Variants in BSN observed in about 807,000 individuals in gnomAD.
BSN encodes the protein protein bassoon.
BSN carries 57 observed loss-of-function variants against 264.8 expected under a neutral mutation model. The observed-to-expected ratio is 0.22, with a 90% CI of 0.17 to 0.27. The LOEUF (loss-of-function observed/expected upper bound fraction) is 0.27, where lower values mean the gene tolerates loss of function less well. Ranked by LOEUF, BSN falls within the 10% of genes least tolerant of loss-of-function variation. BSN has a pLI of 1.00. For synonymous variants in BSN, 2,059 were observed against 2,137.3 expected, an observed-to-expected ratio of 0.96 and a Z score of 1.01; for missense variants, 4,615 against 5,232.5, an observed-to-expected ratio of 0.88 and a Z score of 3.64.
In BSN at chr3:49,658,092, CT is replaced by C; in HGVS notation, c.8537del (p.Leu2846ArgfsTer48). 1 of 1,613,300 alleles carries C rather than the reference CT, an allele frequency of 6.2e-7. No individual in the cohort carries two copies. The highest frequency in any genetic ancestry group is 8.5e-7 in the Non-Finnish European group (1 of 1,179,962). Reference protein sequence around the residue: ...QQTLPRPMKTLQRSLSDPKPL... With the variant: ...QQTLPRPMKTXQRSLSDPKPL... ...GACGCTGCCTCGCCCCATGAAGACC[CT>C]GCAGCGGTCCCTGTCTGACCCTAAG... On this transcript the variant is annotated frameshift_variant, in exon 5 of 12. Transcript: ENST00000296452. LOFTEE classifies it high-confidence loss of function.
Position 49,554,802 on chromosome 3 carries a change from C to A in BSN, c.200C>A (p.Pro67His). The change falls in exon 1 of 12, where the codon CCC becomes CAC. Residue 67 changes from proline (P) to histidine (H), a missense_variant. Physicochemically the swap from Pro to His is moderately conservative, Grantham distance 77. Around this residue, in one of 3 missense-constraint regions of BSN, gnomAD observed 1,197 missense variants for 1,348.0 expected, o/e 0.89. Coordinates refer to ENST00000296452, the MANE Select transcript of BSN (RefSeq NM_003458.4). ...CCGGTCCCTGGCCCCGGCCCCGGCC[C>A]CGGTCCCGGCCCTGGCCCGGGCAGG... ...VPPVPGPGPGPGPGPGPGSTS... is the reference protein window; with the variant it reads ...VPPVPGPGPGHGPGPGPGSTS... 8.2e-7 allele frequency: 1 copy of A among 1,223,294 alleles called. No individual in the cohort carries two copies. Among genetic ancestry groups the A allele is most frequent in the Non-Finnish European group, 1.0e-6 (1 of 982,752 alleles). 75.8% of individuals were successfully genotyped at this position (1,223,294 alleles called of 1,614,324 possible).
Position 49,606,196 on chromosome 3 carries a change from AC to A in BSN, c.225-18778del, listed in dbSNP as rs1463137873. Among the ~76,000 whole-genome samples the A allele has an allele frequency of 1.6e-3, 104 of 65,022 alleles. 2 individuals carry two copies. Among genetic ancestry groups the A allele is most frequent in the African/African-American group, 4.5e-3 (65 of 14,470 alleles). 42.7% of individuals were successfully genotyped at this position (65,022 alleles called of 152,430 possible). A position where few individuals can be genotyped will look rare whatever the true frequency, so the allele number is the denominator to read the frequency against. On this transcript the variant is annotated intron_variant, in intron 1 of 11. Transcript: ENST00000296452. ...TTATATATGTATATATATTATATATACATATATTATATATGTATATATTATA... is the reference window on the plus strand; with the variant it reads ...TTATATATGTATATATATTATATATAATATATTATATATGTATATATTATA...
At chr3:49,635,285 A>C (rs923919954) in intron 2 of BSN, among the ~76,000 whole-genome samples, 1 of 152,172 alleles carries the variant, frequency 6.6e-6, no homozygotes, top group Admixed American at 6.5e-5. Context: ...GCTCCCCAGC[A>C]CTGAGAAGAA....
chr3:49,636,387 G>A (rs2052420144), intron 2 of BSN, among the ~76,000 whole-genome samples: 2 of 152,154 alleles, frequency 1.3e-5, no homozygotes, highest in Non-Finnish European at 2.9e-5. Context: ...TGACTAAGAG[G>A]AGTGTGTATG....
chr3:49,654,090 G>T lies in BSN; in HGVS notation c.4534G>T (p.Ala1512Ser), dbSNP rs1338460156. ...GTTCTCTACACAGACGCCAAGTCCA[G>T]CCCCTGCCTCAGACATGCCACGGAG... ...AEFSTQTPSP[A>S]PASDMPRSPG... is the part of the protein sequence containing the mutation. Residue 1512 changes from alanine (A) to serine (S), a missense_variant, in exon 5 of 12, where the codon GCC becomes TCC. Ala to Ser is a moderately conservative substitution (Grantham distance 99). Transcript: ENST00000296452. This position sits in a 1 kb window ranked among gnomAD's most constrained non-coding sequence, Gnocchi z 4.1. 1.2e-6 allele frequency: 2 copies of T among 1,613,846 alleles called. No homozygotes were observed. The highest frequency in any genetic ancestry group is 2.7e-5 in the African/African-American group (2 of 74,892).
In BSN at chr3:49,642,609, G is replaced by A. The variant is rs1000511324; in HGVS notation, c.975G>A (p.Pro325=). The part of the protein sequence containing the change: ...AEPRPPAGEA[P]AKSATAVPAG... ...CCAGGCCACCTGCAGGAGAGGCCCC[G>A]GCCAAAAGTGCCACCGCAGTGCCCG... The change falls in exon 3 of 12, where the codon CCG becomes CCA. Residue 325 remains proline, a synonymous_variant. Coordinates refer to ENST00000296452, the MANE Select transcript of BSN (RefSeq NM_003458.4). This position sits in a 1 kb window ranked among gnomAD's most constrained non-coding sequence, Gnocchi z 7.0. The A allele has an allele frequency of 1.2e-5, 19 of 1,602,892 alleles. No homozygotes were observed. The highest frequency in any genetic ancestry group is 6.7e-5 in the African/African-American group (5 of 74,734).
chr3:49,619,027 T>C (rs2052282805), intron 1 of BSN, among the ~76,000 whole-genome samples: 1 of 152,220 alleles, frequency 6.6e-6, no homozygotes. Context: ...TGAAGAGATA[T>C]CATTCCTTTA....
chr3:49,591,071 A>C (rs2051973359), intron 1 of BSN, among the ~76,000 whole-genome samples: 1 of 143,042 alleles, frequency 7.0e-6, no homozygotes, highest in South Asian at 2.2e-4. Flanking sequence ...ACTCCATCTC[A>C]AAAAAAAAAA....
chr3:49,586,623 G>A (rs1245160519), intron 1 of BSN, among the ~76,000 whole-genome samples: 1 of 152,250 alleles, frequency 6.6e-6, no homozygotes, highest in Non-Finnish European at 1.5e-5. Flanking sequence ...TTACTGGTGT[G>A]AGACACCATA....
intron 1 of BSN, among the ~76,000 whole-genome samples, chr3:49,605,340 T>TA: frequency 2.3e-5 from 2 of 86,886 alleles, no homozygotes; most frequent in East Asian, 5.7e-4. Context: ...TAAATATATA[T>TA]AATATATAAA....
Position 49,650,762 on chromosome 3 carries a change from G to A in BSN, c.1669G>A (p.Gly557Arg), listed in dbSNP as rs752836042. ...ASGTSPLKQK[G>R]PQGLGQPSGP... ...TGGAACATCCCCTCTGAAGCAGAAA[G>A]GGCCACAGGGGCTGGGCCAGCCTTC... The change falls in exon 4 of 12, where the codon GGG becomes AGG. Residue 557 changes from glycine (G) to arginine (R), a missense_variant. By Grantham distance (125) the Gly-to-Arg change is moderately radical. Around this residue, in one of 3 missense-constraint regions of BSN, gnomAD observed 1,197 missense variants for 1,348.0 expected, o/e 0.89. Coordinates refer to ENST00000296452, the MANE Select transcript of BSN (RefSeq NM_003458.4). 2.5e-6 allele frequency: 4 copies of A among 1,613,618 alleles called. No homozygotes were observed. The African/African-American group carries it at 5.3e-5, about 22-fold the overall frequency.
chr3:49,595,753 T>C (rs1449493327), intron 1 of BSN, among the ~76,000 whole-genome samples: 1 of 152,204 alleles, frequency 6.6e-6, no homozygotes, highest in East Asian at 1.9e-4. Context: ...CCTTCATTGT[T>C]TGTATGTAGA....
chr3:49,567,454 A>G (rs1359971779), intron 1 of BSN, among the ~76,000 whole-genome samples: 3 of 152,232 alleles, frequency 2.0e-5, no homozygotes, highest in Non-Finnish European at 4.4e-5. Flanking sequence ...GCTGGCTAGA[A>G]TTCACTGATC....
rs748367378 is a variant in BSN, at chr3:49,655,389, C to T, written c.5833C>T (p.Arg1945Trp). 4.0e-5 allele frequency: 63 copies of T among 1,577,454 alleles called. No individual in the cohort carries two copies. Among genetic ancestry groups the T allele is most frequent in the Non-Finnish European group, 5.1e-5 (59 of 1,161,370 alleles). Residue 1945 changes from arginine to tryptophan, a missense_variant, in exon 5 of 12, where the codon CGG (arginine) becomes TGG (tryptophan). Transcript: ENST00000296452. ...AAGCAGCAGCCCCTTCTATGGTCCCCGGGACCCTGAGCCTCCTGAGCCCCC... is the reference window on the plus strand; with the variant it reads ...AAGCAGCAGCCCCTTCTATGGTCCCTGGGACCCTGAGCCTCCTGAGCCCCC... Reference protein sequence around the residue: ...GQSSSPFYGPRDPEPPEPPTY... With the variant: ...GQSSSPFYGPWDPEPPEPPTY...
chr3:49,587,621 A>G (rs556606279), intron 1 of BSN, among the ~76,000 whole-genome samples: 19 of 152,278 alleles, frequency 1.2e-4, no homozygotes, highest in African/African-American at 3.8e-4. Context: ...TGCTTACACA[A>G]TTTTCTGGGG....
At chr3:49,588,667 G>A (rs540246210) in intron 1 of BSN, among the ~76,000 whole-genome samples, 1 of 152,070 alleles carries the variant, frequency 6.6e-6, no homozygotes, top group African/African-American at 2.4e-5. Context: ...AATTTCTTTT[G>A]TGATTTCTTC....
chr3:49,651,593 C>T lies in BSN; in HGVS notation c.2037C>T (p.Ser679=), dbSNP rs1427411870. The T allele has an allele frequency of 1.5e-5, 24 of 1,611,708 alleles. No individual in the cohort carries two copies. Among genetic ancestry groups the T allele is most frequent in the Non-Finnish European group, 2.0e-5 (24 of 1,178,670 alleles). The change falls in exon 5 of 12, where the codon AGC becomes AGT. Residue 679 remains serine, a synonymous_variant. Transcript: ENST00000296452. The surrounding 1 kb of genome is among the most constrained non-coding windows in gnomAD (Gnocchi z 5.4). ...AGGATGCGTCTCGGAGCCCACAGAG[C>T]CTCAGTGACACAGGCTATTCCTCTG... ...YSQDASRSPQ[S]LSDTGYSSDG...
In BSN at chr3:49,653,827, C is replaced by G. The variant is rs748234186; in HGVS notation, c.4271C>G (p.Thr1424Ser). Reference protein sequence around the residue: ...STAHSYGHSPTTANYGSQTED... With the variant: ...STAHSYGHSPSTANYGSQTED... ...GCCCACAGCTATGGACACAGCCCAA[C>G]CACTGCAAACTATGGGTCCCAAACT... The change falls in exon 5 of 12, where the codon ACC becomes AGC. Residue 1424 changes from threonine to serine, a missense_variant. This residue lies in a region of BSN where 3,415 missense variants were observed against 3,866.4 expected (regional missense o/e 0.88). Coordinates refer to ENST00000296452, the MANE Select transcript of BSN (RefSeq NM_003458.4). This position sits in a 1 kb window ranked among gnomAD's most constrained non-coding sequence, Gnocchi z 6.3. The G allele has an allele frequency of 8.7e-6, 14 of 1,614,056 alleles. 1 individual carries two copies. The South Asian group carries it at 1.3e-4, about 15-fold the overall frequency.
At chr3:49,568,357 A>G (rs2051770299) in intron 1 of BSN, among the ~76,000 whole-genome samples, 1 of 152,214 alleles carries the variant, frequency 6.6e-6, no homozygotes, top group Admixed American at 6.5e-5. Context: ...TTAATTTTTA[A>G]AAATTATATA....
Sources: gnomAD v4.1 joint callset for allele counts (sites outside exome capture counted in the v4.1 genomes callset) on GRCh38, gnomAD v4.1.1 for gene constraint, gnomAD v4.1.1 regional missense constraint, Gnocchi (gnomAD v3.1) non-coding constraint, MANE v1.5 for transcripts, NCBI Gene and HGNC (gene_info 2026-07-23, HGNC 2026-07-21) for gene names.